The following INPP4B variants were observed in gnomAD, a reference collection of about 807,000 sequenced individuals.
INPP4B encodes inositol polyphosphate-4-phosphatase type II B.
In INPP4B, 55 loss-of-function variants were observed where a neutral mutation model predicts 122.5. The ratio of observed to expected loss-of-function variants is 0.45; its 90% CI spans 0.36 to 0.56. The LOEUF (loss-of-function observed/expected upper bound fraction) is 0.56, where lower values mean the gene tolerates loss of function less well. Among genes scored for constraint, INPP4B ranks in the 20% least tolerant of loss-of-function variants. The pLI is 0.00. For missense variants in INPP4B, 1,000 were observed against 1,097.7 expected (o/e 0.91, Z 1.26); for synonymous variants, 403 against 388.7 (o/e 1.04, Z -0.43).
At chr4:142,351,681 G>A (rs17015976) in intron 7 of INPP4B, among the ~76,000 whole-genome samples, 4,662 of 151,992 alleles carry the variant, frequency 0.031, 239 homozygotes, top group African/African-American at 0.1. Context: ...GTCAAGAAAC[G>A]TAGAAAATAA....
intron 1 of INPP4B, among the ~76,000 whole-genome samples, chr4:142,819,388 G>A (rs1780532672): frequency 6.6e-6 from 1 of 152,144 alleles, no homozygotes. Flanking sequence ...AGAATATAGG[G>A]TCTAATTCAC....
intron 7 of INPP4B, chr4:142,317,628 C>T (rs1320132492): frequency 6.4e-6 from 1 of 156,456 alleles, no homozygotes; most frequent in African/African-American, 2.4e-5. Context: ...GAAAGAGAAA[C>T]CTGCATACAT....
At chr4:142,606,439 T>A (rs1488560537) in intron 2 of INPP4B, among the ~76,000 whole-genome samples, 1 of 151,668 alleles carries the variant, frequency 6.6e-6, no homozygotes, top group Non-Finnish European at 1.5e-5. Flanking sequence ...AACTCAAGGT[T>A]TATCACTCAT....
chr4:142,621,826 T>C (rs1214930429), intron 2 of INPP4B, among the ~76,000 whole-genome samples: 6 of 151,764 alleles, frequency 4.0e-5, no homozygotes, highest in African/African-American at 7.2e-5. Context: ...TAAACAATAA[T>C]ATTTAACATT....
chr4:142,635,109 C>T (rs1422082679), intron 2 of INPP4B, among the ~76,000 whole-genome samples: 1 of 151,978 alleles, frequency 6.6e-6, no homozygotes, highest in South Asian at 2.1e-4. Flanking sequence ...TGGAAAAAAG[C>T]TCAATATTAC....
intron 2 of INPP4B, among the ~76,000 whole-genome samples, chr4:142,701,506 CAAA>C (rs111658023): frequency 2.9e-5 from 3 of 103,094 alleles, no homozygotes; most frequent in Non-Finnish European, 2.1e-5. Context: ...ACCGAGCAGC[CAAA>C]AAAAAAAAAA....
At chr4:142,732,434 A>T (rs1766242395) in intron 1 of INPP4B, among the ~76,000 whole-genome samples, 1 of 152,046 alleles carries the variant, frequency 6.6e-6, no homozygotes, top group South Asian at 2.1e-4. Flanking sequence ...AAATACATTT[A>T]AAATGAAAAT....
chr4:142,126,160 G>T (rs1798538936), intron 18 of INPP4B, among the ~76,000 whole-genome samples: 1 of 152,100 alleles, frequency 6.6e-6, no homozygotes, highest in South Asian at 2.1e-4. Flanking sequence ...TTGACCGTGT[G>T]ACATTCCATT....
intron 7 of INPP4B, among the ~76,000 whole-genome samples, chr4:142,333,480 A>C (rs34991177): frequency 0.036 from 5,549 of 152,294 alleles, 143 homozygotes; most frequent in Middle Eastern, 0.13. Flanking sequence ...GCAGAAATTA[A>C]AAAGGAAAAA....
At chr4:142,385,726 C>T (rs1795744969) in intron 7 of INPP4B, among the ~76,000 whole-genome samples, 1 of 152,014 alleles carries the variant, frequency 6.6e-6, no homozygotes, top group Admixed American at 6.6e-5. Flanking sequence ...TCTCCCACAG[C>T]CAAGGGATTT....
chr4:142,169,217 C>T (rs761086304), intron 16 of INPP4B, among the ~76,000 whole-genome samples: 1 of 151,310 alleles, frequency 6.6e-6, no homozygotes, highest in Non-Finnish European at 1.5e-5. Flanking sequence ...AAATAATTAC[C>T]ATTTAAAGGC....
intron 2 of INPP4B, among the ~76,000 whole-genome samples, chr4:142,691,955 T>G (rs530544689): frequency 2.0e-5 from 3 of 152,250 alleles, no homozygotes; most frequent in African/African-American, 7.2e-5. Flanking sequence ...CCCTTCTAAT[T>G]TAAAAATCTA....
At chr4:142,821,145 A>G (rs1173357356) in intron 1 of INPP4B, among the ~76,000 whole-genome samples, 1 of 152,120 alleles carries the variant, frequency 6.6e-6, no homozygotes, top group African/African-American at 2.4e-5. Flanking sequence ...ATGCCTCTTG[A>G]GAACTTGGTC....
chr4:142,690,162 A>T (rs1348363), intron 2 of INPP4B, among the ~76,000 whole-genome samples: 16,377 of 152,178 alleles, frequency 0.11, 904 homozygotes, highest in South Asian at 0.15. Context: ...TTAAGATACC[A>T]TGCGGCGTCT....
intron 12 of INPP4B, among the ~76,000 whole-genome samples, chr4:142,210,789 T>C (rs1390052298): frequency 2.6e-5 from 4 of 152,130 alleles, no homozygotes; most frequent in Non-Finnish European, 5.9e-5. Flanking sequence ...TATCTCTAAA[T>C]TATTATCAGA....
At chr4:142,073,895 C>G (rs1294941511) in intron 25 of INPP4B, among the ~76,000 whole-genome samples, 1 of 152,052 alleles carries the variant, frequency 6.6e-6, no homozygotes. Context: ...TGCTACACCT[C>G]ATTTTCCAAG....
chr4:142,607,790 T>G (rs1304227811), intron 2 of INPP4B, among the ~76,000 whole-genome samples: 4 of 152,128 alleles, frequency 2.6e-5, no homozygotes, highest in Non-Finnish European at 4.4e-5. Context: ...ACTTATAGCT[T>G]CCAGGATCAA....
chr4:142,170,301 C>T (rs189743350), intron 16 of INPP4B, among the ~76,000 whole-genome samples: 145 of 151,698 alleles, frequency 9.6e-4, no homozygotes, highest in African/African-American at 3.2e-3. Flanking sequence ...GAAGGCATAA[C>T]AAGAATGTTA....
chr4:142,722,275 A>G (rs962971472), intron 2 of INPP4B, among the ~76,000 whole-genome samples: 3 of 152,218 alleles, frequency 2.0e-5, no homozygotes, highest in Non-Finnish European at 2.9e-5. Flanking sequence ...CATCTTAAAG[A>G]GAAGTTTTAA....
Sources: gnomAD v4.1 joint callset for allele counts (sites outside exome capture counted in the v4.1 genomes callset) on GRCh38, gnomAD v4.1.1 for gene constraint, MANE v1.5 for transcripts, NCBI Gene and HGNC (gene_info 2026-07-23, HGNC 2026-07-21) for gene names.